The following VBP1 variants were observed in gnomAD, a reference collection of about 807,000 sequenced individuals.
The protein encoded by VBP1 is VHL binding protein 1, also known as prefoldin subunit 3.
VBP1 carries 4 observed loss-of-function variants against 15.5 expected under a neutral mutation model. The observed-to-expected ratio is 0.26, with a 90% CI of 0.13 to 0.59. The LOEUF (loss-of-function observed/expected upper bound fraction) is 0.59. Among genes scored for constraint, VBP1 ranks in the 20% least tolerant of loss-of-function variants. VBP1 has a pLI of 0.90. For synonymous variants in VBP1, 61 were observed against 52.1 expected (o/e 1.17, Z -0.74); for missense variants, 108 against 139.6 (o/e 0.77, Z 1.14).
chrX:155,226,557 C>T (rs1220790743), intron 2 of VBP1, among the ~76,000 whole-genome samples: 1 of 112,034 alleles, frequency 8.9e-6, no homozygotes, highest in South Asian at 3.7e-4. Context: ...CTAAATTATA[C>T]TGTATCATAA....
In VBP1 at chrX:155,238,925, G is replaced by A; in HGVS notation, c.*83G>A. 1 of 732,622 alleles carries A rather than the reference G, an allele frequency of 1.4e-6. No homozygotes were observed. Among genetic ancestry groups the A allele is most frequent in the Non-Finnish European group, 1.9e-6 (1 of 524,396 alleles). The allele number at this position is 732,622 out of a possible 1,213,427, so 60.4% of individuals were successfully genotyped here. On this transcript the variant is annotated 3_prime_UTR_variant, in exon 6 of 6. Transcript: ENST00000286428. The stretch of plus-strand genomic sequence containing the variant: ...TATCCTTACAGGTTGACATAACTTT[G>A]AATGTTTTAACAGCAAGAATTTTAA...
chrX:155,211,652 A>G (rs2074645360), upstream of VBP1, among the ~76,000 whole-genome samples: 1 of 112,463 alleles, frequency 8.9e-6, no homozygotes. Flanking sequence ...GAGCTGTGCA[A>G]TATCATGGGG....
At chrX:155,203,049 A>C (rs1557307685) in intron 1 of VBP1, among the ~76,000 whole-genome samples, 1 of 112,261 alleles carries the variant, frequency 8.9e-6, no homozygotes, top group Non-Finnish European at 1.9e-5. Context: ...GCAAATCAAA[A>C]CCACAATGAG....
At chrX:155,235,200 A>C (rs1483218933) in intron 4 of VBP1, among the ~76,000 whole-genome samples, 1 of 106,843 alleles carries the variant, frequency 9.4e-6, no homozygotes, top group East Asian at 2.9e-4. Flanking sequence ...AGGATTTAGA[A>C]ATTTTTTTGG....
Position 155,236,379 on chromosome X carries a change from TAAAAC to T in VBP1, c.523+17_523+21del. The T allele has an allele frequency of 8.4e-7, 1 of 1,190,182 alleles. No individual in the cohort carries two copies. Among genetic ancestry groups the T allele is most frequent in the Non-Finnish European group, 1.1e-6 (1 of 886,569 alleles). The stretch of plus-strand genomic sequence containing the variant: ...TACCACAGAAGTCAGTATCCTTTCT[TAAAAC>T]AAAAAGCAAGGGAAAAAAGGAGAAA... On this transcript the variant is annotated intron_variant, in intron 5 of 5. Coordinates refer to ENST00000286428, the MANE Select transcript of VBP1 (RefSeq NM_003372.7).
At chrX:155,200,401 C>A (rs1313082425) in intron 1 of VBP1, among the ~76,000 whole-genome samples, 3 of 109,366 alleles carry the variant, frequency 2.7e-5, no homozygotes, top group East Asian at 2.8e-4. Flanking sequence ...GAAATTATAA[C>A]AAACTGTCTC....
chrX:155,204,161 T>C (rs926826261), intron 1 of VBP1, among the ~76,000 whole-genome samples: 3 of 108,324 alleles, frequency 2.8e-5, no homozygotes, highest in Admixed American at 2.0e-4. Flanking sequence ...TTTGAAAACA[T>C]TTTTTTTTTG....
chrX:155,220,056 T>C (rs1349033396), intron 1 of VBP1, 127 bp from the exon 2 acceptor site: 18 of 609,917 alleles, frequency 3.0e-5, no homozygotes, highest in Non-Finnish European at 4.3e-5. Flanking sequence ...CCTGTACTTT[T>C]AGTTAAAAAC....
chrX:155,220,672 A>ATTGG lies in VBP1; in HGVS notation c.218+365_218+366insTTGG, dbSNP rs1557309504. 2.7e-5 allele frequency among the ~76,000 whole-genome samples: 3 copies of ATTGG among 112,051 alleles called. No individual in the cohort carries two copies. The East Asian group carries it at 8.3e-4, about 31-fold the overall frequency. On this transcript the variant is annotated intron_variant, in intron 2 of 5. Coordinates refer to ENST00000286428, the MANE Select transcript of VBP1 (RefSeq NM_003372.7). ...AGACTTAATTAGTTATGAAATCCCA[A>ATTGG]GATTTCATAACTAATAGGCATAGGA...
rs1557311892 is a variant in VBP1 at position 155,238,821 on chromosome X, C to A, written c.573C>A (p.Asp191Glu). The A allele has an allele frequency of 8.3e-7, 1 of 1,203,995 alleles. No individual in the cohort carries two copies. Among genetic ancestry groups the A allele is most frequent in the East Asian group, 3.0e-5 (1 of 33,295 alleles). ...NWDVKRRNKD[D>E]STKNKA ...ATGTAAAAAGAAGAAACAAGGATGA[C>A]TCTACCAAGAACAAAGCATAATGCT... The change falls in exon 6 of 6, where the codon GAC (aspartate) becomes GAA (glutamate). Residue 191 changes from aspartate (D) to glutamate (E), a missense_variant. Transcript: ENST00000286428.
At chrX:155,233,086 C>G (rs1467829328) in intron 4 of VBP1, among the ~76,000 whole-genome samples, 1 of 112,366 alleles carries the variant, frequency 8.9e-6, no homozygotes, top group African/African-American at 3.2e-5. Flanking sequence ...CAAATTACCA[C>G]AAACTCAGAG....
chrX:155,216,463 C>T lies in VBP1; in HGVS notation c.-20C>T, dbSNP rs782240179. 7.7e-6 allele frequency: 9 copies of T among 1,162,879 alleles called. No individual in the cohort carries two copies. In the East Asian group the frequency reaches 2.6e-4, roughly 34 times the overall value. ...GGCGGCCGGCGGCCCGGGAGGCAGT[C>T]GCGCGCTCGCATCCCCAAGATGGCG... On this transcript the variant is annotated 5_prime_UTR_variant, in exon 1 of 6. Transcript: ENST00000286428.
intron 1 of VBP1, among the ~76,000 whole-genome samples, chrX:155,203,779 GA>G (rs2074616276): frequency 9.0e-6 from 1 of 110,848 alleles, no homozygotes; most frequent in South Asian, 3.8e-4. Context: ...ATAAAAAAAA[GA>G]ATGCTTGGAA....
chrX:155,223,792 C>G (rs1236284358), intron 2 of VBP1, among the ~76,000 whole-genome samples: 1 of 102,431 alleles, frequency 9.8e-6, no homozygotes, highest in South Asian at 4.6e-4. Flanking sequence ...GGCACCCCCC[C>G]ACCTCCCGGA....
At chrX:155,218,184 A>G (rs1557309251) in intron 1 of VBP1, among the ~76,000 whole-genome samples, 1 of 111,960 alleles carries the variant, frequency 8.9e-6, no homozygotes, top group Non-Finnish European at 1.9e-5. Flanking sequence ...ACATAATGTA[A>G]TAAGCAACCC....
chrX:155,238,633 T>G (rs1426564971), intron 5 of VBP1, 139 bp from the exon 6 acceptor site: 13 of 447,223 alleles, frequency 2.9e-5, no homozygotes, highest in Non-Finnish European at 4.2e-5. Context: ...CAGGATGTCT[T>G]ACAATACTAT....
intron 1 of VBP1, among the ~76,000 whole-genome samples, chrX:155,216,974 A>C (rs2074668284): frequency 8.9e-6 from 1 of 112,264 alleles, no homozygotes; most frequent in Non-Finnish European, 1.9e-5. Context: ...TAGGCAGAAC[A>C]GCCAGTGCTA....
At chrX:155,225,380 A>G (rs1346456534) in intron 2 of VBP1, among the ~76,000 whole-genome samples, 1 of 111,309 alleles carries the variant, frequency 9.0e-6, no homozygotes, top group Admixed American at 9.5e-5. Context: ...ATTTTTTTTT[A>G]GTAGAGACTG....
intron 2 of VBP1, among the ~76,000 whole-genome samples, chrX:155,226,112 C>G (rs1043462880): frequency 8.9e-6 from 1 of 111,963 alleles, no homozygotes; most frequent in Non-Finnish European, 1.9e-5. Context: ...ACCAGAGCTT[C>G]GTTTTTATAT....
Sources: gnomAD v4.1 joint callset for allele counts (sites outside exome capture counted in the v4.1 genomes callset) on GRCh38, gnomAD v4.1.1 for gene constraint, MANE v1.5 for transcripts, NCBI Gene and HGNC (gene_info 2026-07-23, HGNC 2026-07-21) for gene names.